The following ILDR1 variants were observed in gnomAD, a reference collection of about 807,000 sequenced individuals.
ILDR1 encodes immunoglobulin like domain containing receptor 1.
In ILDR1, 56 loss-of-function variants were observed where a neutral mutation model predicts 62.4. That is an observed-to-expected ratio of 0.90 (90% CI 0.72 to 1.12). The LOEUF is 1.12. Among genes scored for constraint, ILDR1 ranks in the 50% most tolerant of loss-of-function variants. The pLI is 0.00. For missense variants in ILDR1, 736 were observed against 710.6 expected, an observed-to-expected ratio of 1.04 and a Z score of -0.41; for synonymous variants, 284 against 277.8, an observed-to-expected ratio of 1.02 and a Z score of -0.22.
upstream of ILDR1, among the ~76,000 whole-genome samples, chr3:122,023,073 G>A (rs2071888421): frequency 6.6e-6 from 1 of 150,820 alleles, no homozygotes; most frequent in African/African-American, 2.4e-5. Flanking sequence ...AAATCCTGCT[G>A]CAGCTTTCCA....
At chr3:122,015,236 C>T (rs552072514) in intron 1 of ILDR1, among the ~76,000 whole-genome samples, 278 of 152,342 alleles carry the variant, frequency 1.8e-3, no homozygotes, top group African/African-American at 6.0e-3. Context: ...GATAGTTCTT[C>T]TTGGTTGTTT....
At chr3:122,042,745 C>G in the ILDR1 span, among the ~76,000 whole-genome samples, 12 of 152,212 alleles carry the variant, frequency 7.9e-5, no homozygotes, top group South Asian at 1.0e-3. Flanking sequence ...GTCCTTCGCC[C>G]ACTTTTTGAT....
In ILDR1 at chr3:121,993,611, G is replaced by C; in HGVS notation, c.1138C>G (p.Leu380Val). The C allele has an allele frequency of 1.2e-6, 2 of 1,614,228 alleles. No individual in the cohort carries two copies. The highest frequency in any genetic ancestry group is 2.2e-5 in the East Asian group (1 of 44,880). Residue 380 changes from leucine (L) to valine (V), a missense_variant, in exon 7 of 8, where the codon CTC becomes GTC. Coordinates refer to ENST00000344209, the MANE Select transcript of ILDR1 (RefSeq NM_001199799.2). The part of the protein sequence containing the change: ...HHHYPDFHQE[L>V]QDRGPKSWAL... The stretch of plus-strand genomic sequence containing the variant: ...CAAGACTTTGGCCCCCGGTCCTGGA[G>C]CTCCTGGTGGAAATCAGGGTAATGG...
At position 121,993,465 on chromosome 3, in the gene ILDR1, A is replaced by G. The variant is rs1284570418; in HGVS notation, c.1284T>C (p.Ser428=). The change falls in exon 7 of 8, where the codon AGT becomes AGC. Residue 428 remains serine, a synonymous_variant. Transcript: ENST00000344209. The part of the protein sequence containing the change: ...RDSLSDVPSS[S]EARWRPSHPP... ...GGTGGCTCGGCCGCCAGCGTGCCTC[A>G]CTGGATGAGGGGACATCGCTTAGGC... 6.2e-7 allele frequency: 1 copy of G among 1,614,054 alleles called. No homozygotes were observed. The highest frequency in any genetic ancestry group is 1.1e-5 in the South Asian group (1 of 91,070).
At chr3:122,050,358 CT>C in the ILDR1 span, among the ~76,000 whole-genome samples, 1 of 151,954 alleles carries the variant, frequency 6.6e-6, no homozygotes, top group Non-Finnish European at 1.5e-5. Context: ...TGCTATCTTC[CT>C]TTGTGTTTCA....
intron 5 of ILDR1, among the ~76,000 whole-genome samples, chr3:121,996,854 C>T (rs1484982031): frequency 6.6e-6 from 1 of 152,166 alleles, no homozygotes. Flanking sequence ...ATCCCCTCTC[C>T]ACTCTTACAG....
chr3:122,055,534 A>G, the ILDR1 span: 2 of 1,611,328 alleles, frequency 1.2e-6, no homozygotes, highest in African/African-American at 2.7e-5. Flanking sequence ...TTTGCAGAGA[A>G]GTTATGAGTT....
the ILDR1 span, among the ~76,000 whole-genome samples, chr3:122,057,799 T>C: frequency 4.6e-5 from 7 of 152,334 alleles, no homozygotes; most frequent in Non-Finnish European, 7.3e-5. Flanking sequence ...AGGCATGTTC[T>C]GATAGAATTT....
At chr3:122,010,589 G>A (rs2071689393) in intron 1 of ILDR1, among the ~76,000 whole-genome samples, 1 of 152,098 alleles carries the variant, frequency 6.6e-6, no homozygotes, top group African/African-American at 2.4e-5. Context: ...CTTTCTCTGT[G>A]ACTACCCCTT....
the ILDR1 span, among the ~76,000 whole-genome samples, chr3:122,043,420 A>G: frequency 8.1e-6 from 1 of 123,506 alleles, no homozygotes; most frequent in Non-Finnish European, 1.7e-5. Flanking sequence ...GTTCCATATG[A>G]ACTTTAAAGT....
chr3:122,029,301 G>A, the ILDR1 span, among the ~76,000 whole-genome samples: 1 of 152,016 alleles, frequency 6.6e-6, no homozygotes, highest in East Asian at 1.9e-4. Flanking sequence ...GAGGTCAGGA[G>A]TTCATGAACG....
rs185573377 is a variant in ILDR1, at chr3:122,020,928, T to C, written c.58+1092A>G. On this transcript the variant is annotated intron_variant, in intron 1 of 7. Transcript: ENST00000344209. ...CTACCCTTTTGCAAGCCTCTCTCCC[T>C]TTTATTCTCAGCATTACGCTTAAGT... 5.9e-5 allele frequency among the ~76,000 whole-genome samples: 9 copies of C among 152,336 alleles called. No homozygotes were observed. In the East Asian group the frequency reaches 1.5e-3, roughly 26 times the overall value.
chr3:122,002,416 G>T (rs1369933178), intron 3 of ILDR1, among the ~76,000 whole-genome samples: 3 of 152,096 alleles, frequency 2.0e-5, no homozygotes, highest in Non-Finnish European at 4.4e-5. Context: ...TCCACATTCT[G>T]GGTCCCTTAT....
Position 121,988,336 on chromosome 3 carries a change from G to A in ILDR1, c.*31C>T. ...GCTGATGACACACAGGAGCCGAGAAGTAGCCACAGAAGTTGTGCTGTGCTT... is the reference window on the plus strand; with the variant it reads ...GCTGATGACACACAGGAGCCGAGAAATAGCCACAGAAGTTGTGCTGTGCTT... On this transcript the variant is annotated 3_prime_UTR_variant, in exon 8 of 8. Coordinates refer to ENST00000344209, the MANE Select transcript of ILDR1 (RefSeq NM_001199799.2). The A allele has an allele frequency of 1.2e-6, 2 of 1,601,118 alleles. No individual in the cohort carries two copies. The highest frequency in any genetic ancestry group is 2.2e-5 in the East Asian group (1 of 44,796).
Position 122,001,776 on chromosome 3 carries a change from G to T in ILDR1, c.468C>A (p.Asp156Glu), listed in dbSNP as rs1382303607. The change falls in exon 4 of 8, where the codon GAC becomes GAA. Residue 156 changes from aspartate to glutamate, a missense_variant. Physicochemically the swap from Asp to Glu is conservative, Grantham distance 45 (BLOSUM62 2). Coordinates refer to ENST00000344209, the MANE Select transcript of ILDR1 (RefSeq NM_001199799.2). ...TIEAPGDTSG[D>E]PDKEVKLIVL... is the part of the protein sequence containing the mutation. ...CGATGAGCTTTACTTCCTTATCGGG[G>T]TCTCCTGATGTGTCCCCTGGAGCCT... is the stretch of plus-strand genomic sequence containing the variant. 2.5e-6 allele frequency: 4 copies of T among 1,613,180 alleles called. No individual in the cohort carries two copies. Among genetic ancestry groups the T allele is most frequent in the Non-Finnish European group, 3.4e-6 (4 of 1,179,954 alleles).
At chr3:122,054,567 T>C in the ILDR1 span, among the ~76,000 whole-genome samples, 1 of 152,228 alleles carries the variant, frequency 6.6e-6, no homozygotes, top group East Asian at 1.9e-4. Context: ...TGTTTCTCTG[T>C]AGTCATTCTG....
the ILDR1 span, among the ~76,000 whole-genome samples, chr3:122,030,277 A>G: frequency 2.0e-5 from 3 of 152,238 alleles, no homozygotes; most frequent in Admixed American, 6.5e-5. Context: ...CTCAAGTCAT[A>G]GCAACAAAGG....
chr3:122,038,997 T>A, the ILDR1 span, among the ~76,000 whole-genome samples: 3 of 150,822 alleles, frequency 2.0e-5, no homozygotes, highest in Non-Finnish European at 3.0e-5. Flanking sequence ...TTTGAAAAAA[T>A]TTTAAAAAGA....
chr3:122,047,769 G>C, the ILDR1 span, among the ~76,000 whole-genome samples: 2 of 152,328 alleles, frequency 1.3e-5, no homozygotes, highest in South Asian at 4.1e-4. Flanking sequence ...GCCCTGCTTC[G>C]GCTTGCGCAC....
Sources: allele counts gnomAD v4.1 joint callset (sites outside exome capture counted in the v4.1 genomes callset), GRCh38; gene constraint gnomAD v4.1.1; transcripts MANE v1.5; gene names NCBI Gene and HGNC (gene_info 2026-07-23, HGNC 2026-07-21).